OTUD7A: variants seen among roughly 807,000 people sequenced by gnomAD.
OTUD7A encodes OTU deubiquitinase 7A.
A neutral mutation model predicts 65.7 loss-of-function variants in OTUD7A; 12 were observed. The observed-to-expected ratio is 0.18, with a 90% CI of 0.12 to 0.30. OTUD7A has a LOEUF of 0.30. Ranked by LOEUF, OTUD7A falls within the 10% of genes least tolerant of loss-of-function variation. The pLI is 1.00. For synonymous variants in OTUD7A, 641 were observed against 586.3 expected, an observed-to-expected ratio of 1.09 and a Z score of -1.35; for missense variants, 1,148 against 1,304.8, an observed-to-expected ratio of 0.88 and a Z score of 1.85.
At chr15:31,519,053 C>T (rs2141108903) in intron 8 of OTUD7A, among the ~76,000 whole-genome samples, 1 of 152,278 alleles carries the variant, frequency 6.6e-6, no homozygotes, top group South Asian at 2.1e-4. Flanking sequence ...TGCTTAGGAT[C>T]AATAAGCTGA....
chr15:31,756,636 AC>A (rs1894821874), intron 1 of OTUD7A, among the ~76,000 whole-genome samples: 1 of 1,410 alleles, frequency 7.1e-4, no homozygotes, highest in African/African-American at 1.4e-3. Flanking sequence ...CAACACACAC[AC>A]ACACACACAC....
intron 3 of OTUD7A, among the ~76,000 whole-genome samples, chr15:31,620,477 C>T (rs1890744636): frequency 6.6e-6 from 1 of 151,792 alleles, no homozygotes; most frequent in Non-Finnish European, 1.5e-5. Flanking sequence ...GATTCAACTT[C>T]TTCCTGGTTT....
intron 1 of OTUD7A, chr15:31,765,894 T>C (rs1895082377): frequency 7.8e-7 from 1 of 1,280,756 alleles, no homozygotes; most frequent in Admixed American, 1.7e-5. Flanking sequence ...CTATTTTAGT[T>C]TTTTTCTTTT....
intron 1 of OTUD7A, among the ~76,000 whole-genome samples, chr15:31,785,885 T>C (rs1261158113): frequency 2.0e-5 from 3 of 152,244 alleles, no homozygotes; most frequent in Non-Finnish European, 1.5e-5. Flanking sequence ...GGTATGGTGC[T>C]ATGGTTTGAA....
At chr15:31,532,883 G>C (rs549798389) in intron 5 of OTUD7A, among the ~76,000 whole-genome samples, 2 of 141,504 alleles carry the variant, frequency 1.4e-5, no homozygotes, top group African/African-American at 2.7e-5. Flanking sequence ...GTAGGGAGCC[G>C]AAATCGCGCC....
At chr15:31,661,971 C>G (rs36055010) in intron 1 of OTUD7A, among the ~76,000 whole-genome samples, 1 of 152,096 alleles carries the variant, frequency 6.6e-6, no homozygotes, top group African/African-American at 2.4e-5. Flanking sequence ...CTGATTGCTC[C>G]TATGGTGCCA....
intron 1 of OTUD7A, among the ~76,000 whole-genome samples, chr15:31,850,121 T>C (rs986412390): frequency 2.0e-5 from 3 of 152,224 alleles, no homozygotes; most frequent in African/African-American, 7.2e-5. Flanking sequence ...GTATGTTTAC[T>C]GCAGCACTAA....
At chr15:31,583,633 A>G (rs2125625) in intron 3 of OTUD7A, among the ~76,000 whole-genome samples, 49,636 of 151,336 alleles carry the variant, frequency 0.33, 10,646 homozygotes, top group African/African-American at 0.61. Flanking sequence ...CTTGCCTGCC[A>G]CCATGTAAGA....
At chr15:31,553,221 A>T (rs59108144) in intron 5 of OTUD7A, among the ~76,000 whole-genome samples, 5,401 of 152,206 alleles carry the variant, frequency 0.035, 333 homozygotes, top group African/African-American at 0.12. Flanking sequence ...GTTCGCCCTG[A>T]TTCCCAGGCC....
chr15:31,543,512 CAG>C (rs897677746), intron 5 of OTUD7A, among the ~76,000 whole-genome samples: 3 of 151,692 alleles, frequency 2.0e-5, no homozygotes, highest in African/African-American at 4.8e-5. Context: ...AAATCTAAAA[CAG>C]AGGAATACAA....
At chr15:31,583,635 C>A (rs193100608) in intron 3 of OTUD7A, among the ~76,000 whole-genome samples, 1 of 151,944 alleles carries the variant, frequency 6.6e-6, no homozygotes, top group East Asian at 1.9e-4. Flanking sequence ...TGCCTGCCAC[C>A]ATGTAAGACA....
At chr15:31,759,508 T>C (rs1370324699) in intron 1 of OTUD7A, among the ~76,000 whole-genome samples, 1 of 152,248 alleles carries the variant, frequency 6.6e-6, no homozygotes, top group East Asian at 1.9e-4. Flanking sequence ...ACCTAATAGA[T>C]CGTGGCTTAC....
chr15:31,758,475 G>A (rs1355154861), intron 1 of OTUD7A, among the ~76,000 whole-genome samples: 2 of 152,144 alleles, frequency 1.3e-5, no homozygotes, highest in Admixed American at 1.3e-4. Context: ...TCCCTTCCCC[G>A]ACGCTCTTCT....
intron 1 of OTUD7A, among the ~76,000 whole-genome samples, chr15:31,869,267 A>G (rs992178607): frequency 6.6e-6 from 1 of 152,158 alleles, no homozygotes; most frequent in African/African-American, 2.4e-5. Flanking sequence ...AGGCCTTTGA[A>G]GCTGGTGGGA....
intron 12 of OTUD7A, among the ~76,000 whole-genome samples, chr15:31,485,137 T>C (rs976547342): frequency 1.3e-5 from 2 of 152,164 alleles, no homozygotes; most frequent in Non-Finnish European, 2.9e-5. Flanking sequence ...GACTCTGGCC[T>C]TCCCCCACTG....
rs7168049 is a variant in OTUD7A at position 31,852,448 on chromosome 15, G to A, written c.-100+18059C>T. ...TGTTAACATATAACTATTTTAAACT[G>A]AGAATTTAAAACAAACAAATCTCAA... On this transcript the variant is annotated intron_variant, in intron 1 of 12. Transcript: ENST00000307050. Among the ~76,000 whole-genome samples the A allele has an allele frequency of 8.2e-3, 1,252 of 152,234 alleles. 15 individuals are homozygous for A. The highest frequency in any genetic ancestry group is 0.029 in the African/African-American group (1,194 of 41,570).
intron 1 of OTUD7A, among the ~76,000 whole-genome samples, chr15:31,737,308 GA>G (rs1894218469): frequency 1.3e-5 from 2 of 152,250 alleles, no homozygotes; most frequent in South Asian, 4.1e-4. Flanking sequence ...TATTGAAATA[GA>G]GACAGACAAC....
At chr15:31,573,545 AAGC>A (rs1889115643) in intron 3 of OTUD7A, among the ~76,000 whole-genome samples, 2 of 152,214 alleles carry the variant, frequency 1.3e-5, no homozygotes, top group African/African-American at 4.8e-5. Context: ...AGAATTTAGA[AAGC>A]AGAATAAATT....
intron 1 of OTUD7A, among the ~76,000 whole-genome samples, chr15:31,844,910 T>A (rs1897262596): frequency 6.6e-6 from 1 of 152,158 alleles, no homozygotes; most frequent in Admixed American, 6.5e-5. Flanking sequence ...CAGGACTTGG[T>A]GTCCCCATCT....
Sources: gnomAD v4.1 joint callset for allele counts (sites outside exome capture counted in the v4.1 genomes callset) on GRCh38, gnomAD v4.1.1 for gene constraint, MANE v1.5 for transcripts, NCBI Gene and HGNC (gene_info 2026-07-23, HGNC 2026-07-21) for gene names.